HEXIM2: variants seen among roughly 807,000 people sequenced by gnomAD.
HEXIM2 encodes the protein HEXIM P-TEFb complex subunit 2.
For missense variants in HEXIM2, 413 were observed against 390.8 expected (o/e 1.06, Z -0.48); for synonymous variants, 159 against 162.7 (o/e 0.98, Z 0.17).
chr17:45,169,451 G>C lies in HEXIM2; in HGVS notation c.503G>C (p.Gly168Ala). 2.5e-6 allele frequency: 4 copies of C among 1,613,994 alleles called. No homozygotes were observed. Among genetic ancestry groups the C allele is most frequent in the South Asian group, 1.1e-5 (1 of 91,070 alleles). The change falls in exon 4 of 4, where the codon GGT becomes GCT. Residue 168 changes from glycine (G) to alanine (A), a missense_variant. By Grantham distance (60) the Gly-to-Ala change is moderately conservative. Coordinates refer to ENST00000589230, the MANE Select transcript of HEXIM2 (RefSeq NM_001303441.2). ...GTGCCCCATGGGATCTCCCACCCAG[G>C]TTCCAGTGGGGAGAGTGAGGCCGGG... Reference protein sequence around the residue: ...LDVPHGISHPGSSGESEAGDS... With the variant: ...LDVPHGISHPASSGESEAGDS...
chr17:45,160,991 T>A, upstream of HEXIM2: 1 of 1,281,290 alleles, frequency 7.8e-7, no homozygotes, highest in Non-Finnish European at 1.0e-6. Flanking sequence ...TCCAGCTGAC[T>A]GCCACGCCGA....
chr17:45,162,413 G>T, intron 1 of HEXIM2, 75 bp from the exon 2 acceptor site: 1 of 1,067,422 alleles, frequency 9.4e-7, no homozygotes, highest in Non-Finnish European at 1.1e-6. Context: ...GTCCTCCTTT[G>T]CCCCTTTGGT....
chr17:45,160,693 G>A, upstream of HEXIM2: 2 of 367,802 alleles, frequency 5.4e-6, 1 homozygote, highest in Middle Eastern at 9.7e-4. Flanking sequence ...AAGAGAAGTG[G>A]GGCAGCACAC....
chr17:45,167,645 G>A (rs573403047), intron 3 of HEXIM2, among the ~76,000 whole-genome samples: 10 of 149,736 alleles, frequency 6.7e-5, no homozygotes, highest in African/African-American at 2.4e-4. Flanking sequence ...TGTTTGTTTC[G>A]AGATGGAGTC....
intron 1 of HEXIM2, 95 bp downstream of exon 1, chr17:45,162,126 T>G (rs2042715455): frequency 1.9e-6 from 1 of 524,246 alleles, no homozygotes; most frequent in African/African-American, 2.1e-5. Context: ...CCCAGCTGCA[T>G]GTAGTGCAAA....
rs949295881 is a variant in HEXIM2 at position 45,161,875 on chromosome 17, C to G, written c.-349C>G. The G allele has an allele frequency of 1.4e-5, 14 of 985,654 alleles. No homozygotes were observed. Among genetic ancestry groups the G allele is most frequent in the Non-Finnish European group, 1.7e-5 (14 of 830,232 alleles). The allele number at this position is 985,654 out of a possible 1,614,324, so 61.1% of individuals were successfully genotyped here. A position where few individuals can be genotyped will look rare whatever the true frequency, so the allele number is the denominator to read the frequency against. ...CCAGCAGGCACCGCGCGTCCAGGCT[C>G]TCTCTTCCCCCCCATCTTAGTGGCC... On this transcript the variant is annotated 5_prime_UTR_variant, in exon 1 of 4. Coordinates refer to ENST00000589230, the MANE Select transcript of HEXIM2 (RefSeq NM_001303441.2).
At chr17:45,161,286 G>C (rs1223900603), upstream of HEXIM2, 2 of 316,176 alleles carry the variant, frequency 6.3e-6, no homozygotes, top group Non-Finnish European at 1.3e-5. Context: ...TGAGAGGCGA[G>C]GCTGCGGGGC....
rs938490060 is a variant in HEXIM2 at position 45,163,675 on chromosome 17, C to T, written c.66+816C>T. Among the ~76,000 whole-genome samples the T allele has an allele frequency of 6.3e-5, 9 of 143,286 alleles. 1 individual carries two copies. In the South Asian group the frequency reaches 2.0e-3, roughly 32 times the overall value. 94.0% of individuals were successfully genotyped at this position (143,286 alleles called of 152,430 possible). On this transcript the variant is annotated intron_variant, in intron 3 of 3. Coordinates refer to ENST00000589230, the MANE Select transcript of HEXIM2 (RefSeq NM_001303441.2). ...ACCAGCCTGGCCAACATGGTGAAACCTCATCTCTACTAAAAATACAAAAAT... is the reference window on the plus strand; with the variant it reads ...ACCAGCCTGGCCAACATGGTGAAACTTCATCTCTACTAAAAATACAAAAAT...
At chr17:45,167,719 C>T (rs1308452718) in intron 3 of HEXIM2, among the ~76,000 whole-genome samples, 3 of 151,938 alleles carry the variant, frequency 2.0e-5, no homozygotes, top group Non-Finnish European at 2.9e-5. Flanking sequence ...CTCCGCGTCC[C>T]GACTAGCTGG....
chr17:45,162,986 C>T, intron 3 of HEXIM2, 127 bp downstream of exon 3: 4 of 671,688 alleles, frequency 6.0e-6, no homozygotes, highest in Non-Finnish European at 1.1e-5. Context: ...CAGTACTATG[C>T]ACTAGGCAAT....
rs567654324 is a variant in HEXIM2, at chr17:45,169,330, C to T, written c.382C>T (p.Arg128Cys). 3 of 1,613,756 alleles carry T rather than the reference C, an allele frequency of 1.9e-6. No homozygotes were observed. In the East Asian group the frequency reaches 6.7e-5, roughly 36 times the overall value. Residue 128 changes from arginine to cysteine, a missense_variant, in exon 4 of 4, where the codon CGC becomes TGC. Coordinates refer to ENST00000589230, the MANE Select transcript of HEXIM2 (RefSeq NM_001303441.2). ...ERQSQRASRV[R>C]EEMFAKGQPV... ...GCAGAGCCAGAGGGCCTCCCGGGTCCGCGAAGAGATGTTCGCCAAAGGCCA... is the reference window on the plus strand; with the variant it reads ...GCAGAGCCAGAGGGCCTCCCGGGTCTGCGAAGAGATGTTCGCCAAAGGCCA...
In HEXIM2 at chr17:45,169,475, G is replaced by C; in HGVS notation, c.527G>C (p.Gly176Ala). ...GGTTCCAGTGGGGAGAGTGAGGCCG[G>C]GGACAGTGATGGGCGGGGCCGAGCG... The part of the protein sequence containing the change: ...HPGSSGESEA[G>A]DSDGRGRAHG... The change falls in exon 4 of 4, where the codon GGG becomes GCG. Residue 176 changes from glycine (G) to alanine (A), a missense_variant. Coordinates refer to ENST00000589230, the MANE Select transcript of HEXIM2 (RefSeq NM_001303441.2). 1 of 1,613,734 alleles carries C rather than the reference G, an allele frequency of 6.2e-7. No individual in the cohort carries two copies. The highest frequency in any genetic ancestry group is 1.7e-5 in the Admixed American group (1 of 59,980).
chr17:45,168,918 T>C (rs1366995278), intron 3 of HEXIM2, 97 bp from the exon 4 acceptor site: 10 of 1,160,876 alleles, frequency 8.6e-6, no homozygotes, highest in Non-Finnish European at 1.1e-5. Context: ...GTTAGCTGAG[T>C]GTAGGAAGGT....
intron 3 of HEXIM2, among the ~76,000 whole-genome samples, chr17:45,168,494 GTTT>G (rs555871110): frequency 7.0e-6 from 1 of 142,522 alleles, no homozygotes; most frequent in Non-Finnish European, 1.5e-5. Context: ...ATAAAATAAG[GTTT>G]TTTTTTTTTT....
intron 3 of HEXIM2, among the ~76,000 whole-genome samples, chr17:45,167,253 A>G (rs9709123): frequency 0.58 from 87,802 of 150,258 alleles, 26,128 homozygotes; most frequent in Middle Eastern, 0.71. Context: ...TTGAACCTGG[A>G]AGGCGGAGGT....
intron 3 of HEXIM2, among the ~76,000 whole-genome samples, chr17:45,165,669 T>C (rs943626928): frequency 2.6e-5 from 4 of 152,214 alleles, no homozygotes; most frequent in Non-Finnish European, 5.9e-5. Context: ...TCCCTCTCTT[T>C]GGAGAGGATC....
rs1444376169 is a variant in HEXIM2, at chr17:45,162,628, G to A, written c.-52G>A. The A allele has an allele frequency of 2.0e-6, 3 of 1,476,196 alleles. No individual in the cohort carries two copies. Among genetic ancestry groups the A allele is most frequent in the Non-Finnish European group, 2.7e-6 (3 of 1,117,636 alleles). The allele number at this position is 1,476,196 out of a possible 1,614,324, so 91.4% of individuals were successfully genotyped here. Reference sequence around the variant, plus strand: ...GGCAGCCTTCGGGGCCTGCATTTGAGAATAAGGGTATGAAGGGCTGGGGTA... The same window carrying A: ...GGCAGCCTTCGGGGCCTGCATTTGAAAATAAGGGTATGAAGGGCTGGGGTA... On this transcript the variant is annotated 5_prime_UTR_variant, in exon 2 of 4. Coordinates refer to ENST00000589230, the MANE Select transcript of HEXIM2 (RefSeq NM_001303441.2).
chr17:45,164,950 C>T (rs1007123385), intron 3 of HEXIM2, among the ~76,000 whole-genome samples: 3 of 152,190 alleles, frequency 2.0e-5, no homozygotes, highest in African/African-American at 7.2e-5. Context: ...TCAGCCAGGT[C>T]ACACAGCTTA....
At chr17:45,166,716 C>G (rs1417021325) in intron 3 of HEXIM2, among the ~76,000 whole-genome samples, 1 of 152,100 alleles carries the variant, frequency 6.6e-6, no homozygotes, top group Non-Finnish European at 1.5e-5. Context: ...GACATTGGAA[C>G]TAAGCTCTAA....
Sources: gnomAD v4.1 joint callset for allele counts (sites outside exome capture counted in the v4.1 genomes callset) on GRCh38, gnomAD v4.1.1 for gene constraint, MANE v1.5 for transcripts, NCBI Gene and HGNC (gene_info 2026-07-23, HGNC 2026-07-21) for gene names.